Variants in ARHGAP21 observed in about 807,000 individuals in gnomAD.
ARHGAP21 encodes rho GTPase-activating protein 21.
Under a neutral mutation model 164.6 loss-of-function variants are expected in ARHGAP21, and 38 were observed. The observed-to-expected ratio is 0.23, with a 90% CI of 0.18 to 0.30. The LOEUF is 0.30. Among genes scored for constraint, ARHGAP21 ranks in the 10% least tolerant of loss-of-function variants. ARHGAP21 has a pLI of 1.00. For synonymous variants in ARHGAP21, 766 were observed against 857.9 expected (o/e 0.89, Z 1.87); for missense variants, 1,822 against 2,370.7 (o/e 0.77, Z 4.81).
intron 2 of ARHGAP21, among the ~76,000 whole-genome samples, chr10:24,712,040 G>A (rs867848028): frequency 6.6e-6 from 1 of 151,856 alleles, no homozygotes. Flanking sequence ...TCAGCCTCCC[G>A]AGTAGCTGGA....
chr10:24,593,974 T>TTTAG, intron 21 of ARHGAP21, among the ~76,000 whole-genome samples: 1 of 151,960 alleles, frequency 6.6e-6, no homozygotes, highest in Non-Finnish European at 1.5e-5. Flanking sequence ...GTAATAGAGG[T>TTTAG]TGACACTCTT....
At chr10:24,586,202 T>C (rs2076095315) in intron 25 of ARHGAP21, 96 bp from the exon 26 acceptor site, 3 of 1,392,442 alleles carry the variant, frequency 2.2e-6, no homozygotes, top group Non-Finnish European at 2.8e-6. Context: ...TATCAAATTA[T>C]ATCTACTAAA....
chr10:24,584,430 C>T lies in ARHGAP21; in HGVS notation c.5859G>A (p.Glu1953=). Residue 1953 remains glutamate (E), a synonymous_variant, in exon 26 of 26, where the codon GAG becomes GAA. Transcript: ENST00000396432. ...CCCCAGTTTAAAGACAGGGATGAAACTCTGCTTTACTGCCTGGGGTTTCAG... is the reference window on the plus strand; with the variant it reads ...CCCCAGTTTAAAGACAGGGATGAAATTCTGCTTTACTGCCTGGGGTTTCAG... ...KLSETPGSKA[E]FHPCL is the part of the protein sequence containing the mutation. 1 of 1,607,542 alleles carries T rather than the reference C, an allele frequency of 6.2e-7. No homozygotes were observed. The highest frequency in any genetic ancestry group is 8.5e-7 in the Non-Finnish European group (1 of 1,177,250).
intron 2 of ARHGAP21, among the ~76,000 whole-genome samples, chr10:24,678,933 A>G (rs989663266): frequency 1.3e-5 from 2 of 152,230 alleles, no homozygotes; most frequent in Non-Finnish European, 2.9e-5. Flanking sequence ...TGCTGCATGT[A>G]TCTATAGTTC....
chr10:24,702,106 G>C (rs2132129939), intron 2 of ARHGAP21, among the ~76,000 whole-genome samples: 1 of 151,632 alleles, frequency 6.6e-6, no homozygotes, highest in South Asian at 2.1e-4. Flanking sequence ...CCTTGGTGAG[G>C]GGGAGAAAAT....
rs919547028 is a variant in ARHGAP21 at position 24,600,881 on chromosome 10, C to T, written c.2897G>A (p.Arg966Gln). Reference protein sequence around the residue: ...RPWKQMYVVLRGHSLYLYKDK... With the variant: ...RPWKQMYVVLQGHSLYLYKDK... Reference sequence around the variant, plus strand: ...TTTGTACAGGTAAAGTGAATGACCCCGAAGGACAACATACATCTGTTTCCA... The same window carrying T: ...TTTGTACAGGTAAAGTGAATGACCCTGAAGGACAACATACATCTGTTTCCA... The change falls in exon 14 of 26, where the codon CGG (arginine) becomes CAG (glutamine). Residue 966 changes from arginine (R) to glutamine (Q), a missense_variant. Physicochemically the swap from Arg to Gln is conservative, Grantham distance 43. Around this residue, in one of 5 missense-constraint regions of ARHGAP21, gnomAD observed 1,090 missense variants for 1,378.9 expected, o/e 0.79. Transcript: ENST00000396432. 26 of 1,614,118 alleles carry T rather than the reference C, an allele frequency of 1.6e-5. No individual in the cohort carries two copies. Among genetic ancestry groups the T allele is most frequent in the Non-Finnish European group, 2.2e-5 (26 of 1,179,988 alleles).
Position 24,620,623 on chromosome 10 carries a change from A to C in ARHGAP21, c.1272T>G (p.Asp424Glu), listed in dbSNP as rs776819032. Residue 424 changes from aspartate (D) to glutamate (E), a missense_variant, in exon 9 of 26, where the codon GAT (aspartate) becomes GAG (glutamate). Physicochemically the swap from Asp to Glu is conservative, Grantham distance 45. Transcript: ENST00000396432. ...SLRAASQSTT[D>E]YNQVVPNRTT... is the part of the protein sequence containing the mutation. The stretch of plus-strand genomic sequence containing the variant: ...TGCGGTTGGGGACGACCTGGTTATA[A>C]TCTGTCGTGCTTTGAGATGCTGCTC... The C allele has an allele frequency of 5.6e-6, 9 of 1,614,096 alleles. No individual in the cohort carries two copies. Among genetic ancestry groups the C allele is most frequent in the Non-Finnish European group, 7.6e-6 (9 of 1,180,050 alleles).
chr10:24,663,692 C>A (rs992476629), intron 4 of ARHGAP21, among the ~76,000 whole-genome samples: 1 of 152,164 alleles, frequency 6.6e-6, no homozygotes, highest in African/African-American at 2.4e-5. Context: ...CCACCCCTGG[C>A]TAATTTTTTT....
intron 2 of ARHGAP21, among the ~76,000 whole-genome samples, chr10:24,701,590 T>C (rs1843677460): frequency 6.6e-6 from 1 of 152,116 alleles, no homozygotes; most frequent in South Asian, 2.1e-4. Flanking sequence ...GTGGGAACGG[T>C]GAGTGCAAAG....
At chr10:24,653,222 A>C (rs570980299) in intron 4 of ARHGAP21, among the ~76,000 whole-genome samples, 1 of 152,342 alleles carries the variant, frequency 6.6e-6, no homozygotes, top group African/African-American at 2.4e-5. Flanking sequence ...ACCCTTTCCC[A>C]GTCAATTCAG....
chr10:24,661,481 C>T (rs1002672901), intron 4 of ARHGAP21, among the ~76,000 whole-genome samples: 4 of 152,120 alleles, frequency 2.6e-5, no homozygotes, highest in Non-Finnish European at 5.9e-5. Flanking sequence ...AGAGATTTCA[C>T]TAAACTGCCA....
At chr10:24,715,738 T>C (rs894556824) in intron 2 of ARHGAP21, among the ~76,000 whole-genome samples, 1 of 152,246 alleles carries the variant, frequency 6.6e-6, no homozygotes, top group South Asian at 2.1e-4. Context: ...CTGGGCGCAG[T>C]GGCTCACACC....
intron 8 of ARHGAP21, among the ~76,000 whole-genome samples, chr10:24,621,920 A>G (rs1834580081): frequency 6.6e-6 from 1 of 152,214 alleles, no homozygotes; most frequent in Non-Finnish European, 1.5e-5. Context: ...AGCCATGCTA[A>G]GTATTTTAAT....
intron 7 of ARHGAP21, among the ~76,000 whole-genome samples, chr10:24,625,285 C>A (rs1335615830): frequency 2.4e-4 from 2 of 8,430 alleles, no homozygotes; most frequent in East Asian, 2.6e-3. Flanking sequence ...AAATGGTAAA[C>A]AAAATGAAAC....
chr10:24,674,560 C>CTA (rs1378489619), intron 2 of ARHGAP21, among the ~76,000 whole-genome samples: 30 of 151,884 alleles, frequency 2.0e-4, no homozygotes, highest in Non-Finnish European at 3.4e-4. Context: ...GTGGTGCATG[C>CTA]CTGTAGTCCC....
intron 21 of ARHGAP21, among the ~76,000 whole-genome samples, chr10:24,592,517 A>G (rs2076378141): frequency 6.6e-6 from 1 of 152,148 alleles, no homozygotes; most frequent in African/African-American, 2.4e-5. Flanking sequence ...AATCAAAGGA[A>G]AAAAAAACTT....
intron 16 of ARHGAP21, among the ~76,000 whole-genome samples, chr10:24,597,094 A>AAG (rs2076617726): frequency 6.6e-6 from 1 of 151,816 alleles, no homozygotes; most frequent in Admixed American, 6.6e-5. Context: ...AAACAGCAAA[A>AAG]AAAAAAACTA....
At chr10:24,617,566 G>A (rs1834077331) in intron 9 of ARHGAP21, among the ~76,000 whole-genome samples, 1 of 151,916 alleles carries the variant, frequency 6.6e-6, no homozygotes, top group African/African-American at 2.4e-5. Context: ...TACAATTTAG[G>A]TTGAGATTCC....
chr10:24,622,890 G>A lies in ARHGAP21; in HGVS notation c.496-128C>T, dbSNP rs906916251. The A allele has an allele frequency of 3.6e-6, 3 of 824,778 alleles. No individual in the cohort carries two copies. In the Admixed American group the frequency reaches 9.1e-5, roughly 25 times the overall value. The allele number at this position is 824,778 out of a possible 1,614,324, so 51.1% of individuals were successfully genotyped here. A position where few individuals can be genotyped will look rare whatever the true frequency, so the allele number is the denominator to read the frequency against. On this transcript the variant is annotated intron_variant, in intron 7 of 25. Coordinates refer to ENST00000396432, the MANE Select transcript of ARHGAP21 (RefSeq NM_020824.4). ...TACTTGTTTCTCTGGAAGGTACCAA[G>A]AGAGGTAAAGGGCAGTGAAGCATAA...
Sources: gnomAD v4.1 joint callset for allele counts (sites outside exome capture counted in the v4.1 genomes callset) on GRCh38, gnomAD v4.1.1 for gene constraint, gnomAD v4.1.1 regional missense constraint, MANE v1.5 for transcripts, NCBI Gene and HGNC (gene_info 2026-07-23, HGNC 2026-07-21) for gene names.